The following SPECC1L variants were observed in gnomAD, a reference collection of about 807,000 sequenced individuals.
SPECC1L encodes sperm antigen with calponin homology and coiled-coil domains 1 like, also known as cytospin-A.
In SPECC1L, 40 loss-of-function variants were observed where a neutral mutation model predicts 116.8. The ratio of observed to expected loss-of-function variants is 0.34; its 90% confidence interval spans 0.27 to 0.45. The LOEUF is 0.45. Ranked by LOEUF, SPECC1L falls within the 20% of genes least tolerant of loss-of-function variation. The pLI is 1.00. For missense variants in SPECC1L, 1,110 were observed against 1,373.6 expected (o/e 0.81, Z 3.03); for synonymous variants, 504 against 500.6 (o/e 1.01, Z -0.09).
At chr22:24,279,416 A>G (rs2048899021) in intron 2 of SPECC1L, among the ~76,000 whole-genome samples, 1 of 152,160 alleles carries the variant, frequency 6.6e-6, no homozygotes, top group Non-Finnish European at 1.5e-5. Flanking sequence ...TAATTTAGAG[A>G]CAAGGTTTCA....
intron 14 of SPECC1L, among the ~76,000 whole-genome samples, chr22:24,407,757 G>A (rs918377059): frequency 6.6e-6 from 1 of 152,014 alleles, no homozygotes; most frequent in Admixed American, 6.5e-5. Context: ...CTGCATTTTG[G>A]ACAAGGGGAC....
intron 16 of SPECC1L, among the ~76,000 whole-genome samples, chr22:24,413,285 G>A (rs1006776216): frequency 2.0e-5 from 3 of 152,194 alleles, no homozygotes; most frequent in African/African-American, 4.8e-5. Flanking sequence ...CTACCTTGCC[G>A]AGCCCAACTT....
intron 9 of SPECC1L, among the ~76,000 whole-genome samples, chr22:24,338,123 TAAC>T (rs1165556649): frequency 6.6e-6 from 1 of 152,194 alleles, no homozygotes; most frequent in Non-Finnish European, 1.5e-5. Flanking sequence ...CATAATTAAA[TAAC>T]AAAAACGAAA....
chr22:24,339,538 C>T (rs536001878), intron 10 of SPECC1L, among the ~76,000 whole-genome samples: 13 of 152,332 alleles, frequency 8.5e-5, no homozygotes, highest in Admixed American at 5.9e-4. Flanking sequence ...TTTATTCAGC[C>T]GCTTTTGGAC....
intron 1 of SPECC1L, among the ~76,000 whole-genome samples, chr22:24,276,271 A>T (rs2048835137): frequency 6.6e-6 from 1 of 152,146 alleles, no homozygotes; most frequent in Non-Finnish European, 1.5e-5. Flanking sequence ...AGTATAATAA[A>T]AAAAAATAAA....
Position 24,321,796 on chromosome 22 carries a change from T to C in SPECC1L, c.816T>C (p.Asn272=). 3 of 1,614,238 alleles carry C rather than the reference T, an allele frequency of 1.9e-6. No homozygotes were observed. The highest frequency in any genetic ancestry group is 1.6e-4 in the Middle Eastern group (1 of 6,062). The change falls in exon 5 of 17, where the codon AAT becomes AAC. Residue 272 remains asparagine (N), a synonymous_variant. Transcript: ENST00000314328. ...ACAGAATGTTAAAGGACAGGTTGAA[T>C]GCATTGGGCTTTTCCCTAGAGCAGA... ...NENRMLKDRL[N]ALGFSLEQRL...
intron 14 of SPECC1L, among the ~76,000 whole-genome samples, chr22:24,382,594 T>C (rs576553061): frequency 1.3e-5 from 2 of 150,810 alleles, no homozygotes; most frequent in South Asian, 4.2e-4. Flanking sequence ...TTCCAGCTAC[T>C]TGGGAGGCTG....
At chr22:24,369,492 A>G (rs1479694605) in intron 14 of SPECC1L, among the ~76,000 whole-genome samples, 172 bp downstream of exon 14, 6 of 152,122 alleles carry the variant, frequency 3.9e-5, no homozygotes, top group African/African-American at 1.4e-4. Flanking sequence ...ACTTGTGCCC[A>G]GGAGTTCAAG....
chr22:24,355,144 G>A (rs796787011), intron 11 of SPECC1L, among the ~76,000 whole-genome samples: 5 of 151,758 alleles, frequency 3.3e-5, no homozygotes, highest in African/African-American at 9.6e-5. Flanking sequence ...TTAGCTGAGC[G>A]TGGTGGTGTG....
At chr22:24,284,321 G>A (rs549441146) in intron 2 of SPECC1L, among the ~76,000 whole-genome samples, 57 of 152,016 alleles carry the variant, frequency 3.7e-4, no homozygotes, top group Non-Finnish European at 5.4e-4. Context: ...TTTCCCTTTT[G>A]GTTTCTTCTT....
chr22:24,412,504 T>A, intron 15 of SPECC1L, 144 bp from the exon 16 acceptor site: 1 of 774,280 alleles, frequency 1.3e-6, no homozygotes, highest in Non-Finnish European at 2.2e-6. Flanking sequence ...ATGCAGAAGC[T>A]CAGGCTCCCA....
intron 14 of SPECC1L, among the ~76,000 whole-genome samples, chr22:24,397,742 T>C (rs2042395447): frequency 1.3e-5 from 2 of 152,252 alleles, no homozygotes; most frequent in Non-Finnish European, 2.9e-5. Flanking sequence ...CCATCCTGTC[T>C]GCTTCATATT....
chr22:24,387,543 T>G (rs1196441995), intron 14 of SPECC1L, among the ~76,000 whole-genome samples: 1 of 152,148 alleles, frequency 6.6e-6, no homozygotes, highest in Non-Finnish European at 1.5e-5. Context: ...AGGAAAAAAT[T>G]TTTTTGGTAT....
intron 2 of SPECC1L, among the ~76,000 whole-genome samples, chr22:24,277,924 C>T (rs1388064100): frequency 1.3e-5 from 2 of 152,236 alleles, no homozygotes; most frequent in Admixed American, 6.5e-5. Flanking sequence ...ATTGCTGGGT[C>T]GTGTAGTAGC....
At chr22:24,281,580 A>G (rs2048943434) in intron 2 of SPECC1L, among the ~76,000 whole-genome samples, 1 of 152,228 alleles carries the variant, frequency 6.6e-6, no homozygotes, top group Admixed American at 6.5e-5. Context: ...TGATACTGTG[A>G]ATTTCAACTT....
intron 13 of SPECC1L, among the ~76,000 whole-genome samples, chr22:24,365,920 T>C (rs1052981393): frequency 5.1e-5 from 7 of 138,528 alleles, no homozygotes; most frequent in African/African-American, 1.9e-4. Context: ...GAGGAATGGG[T>C]GGAGTGTTAG....
At chr22:24,294,680 G>T (rs1475127711) in intron 2 of SPECC1L, among the ~76,000 whole-genome samples, 2 of 152,080 alleles carry the variant, frequency 1.3e-5, no homozygotes, top group Non-Finnish European at 2.9e-5. Context: ...ACTGGGGCCG[G>T]CCTGTCCTAG....
chr22:24,313,279 T>C, intron 3 of SPECC1L, 34 bp from the exon 4 acceptor site: 1 of 1,611,694 alleles, frequency 6.2e-7, no homozygotes, highest in Non-Finnish European at 8.5e-7. Flanking sequence ...TTGCTTGATC[T>C]AGTAAATTTG....
chr22:24,301,783 A>G (rs2049384057), intron 2 of SPECC1L, among the ~76,000 whole-genome samples: 1 of 152,188 alleles, frequency 6.6e-6, no homozygotes, highest in South Asian at 2.1e-4. Context: ...CACGGTGCTC[A>G]CGCCTGTAAT....
Sources: allele counts gnomAD v4.1 joint callset (sites outside exome capture counted in the v4.1 genomes callset), GRCh38; gene constraint gnomAD v4.1.1; transcripts MANE v1.5; gene names NCBI Gene and HGNC (gene_info 2026-07-23, HGNC 2026-07-21).